Variants in SORCS2 observed in about 807,000 individuals in gnomAD.
The protein encoded by SORCS2 is sortilin related VPS10 domain containing receptor 2.
SORCS2 carries 100 observed loss-of-function variants against 141.6 expected under a neutral mutation model. The observed-to-expected ratio is 0.71, with a 90% CI of 0.60 to 0.83. SORCS2 has a LOEUF of 0.83. SORCS2 is among the 40% of genes least tolerant of loss of function. The pLI is 0.00. For synonymous variants in SORCS2, 789 were observed against 676.9 expected, an observed-to-expected ratio of 1.17 and a Z score of -2.57; for missense variants, 1,646 against 1,560.2, an observed-to-expected ratio of 1.05 and a Z score of -0.93.
chr4:7,642,648 A>G (rs896325791), intron 4 of SORCS2, among the ~76,000 whole-genome samples: 1 of 152,204 alleles, frequency 6.6e-6, no homozygotes, highest in Admixed American at 6.5e-5. Context: ...GGTATCTGCA[A>G]CAATCATACT....
In SORCS2 at chr4:7,233,876, T is replaced by G. The variant is rs1173689114; in HGVS notation, c.480+40750T>G. Among the ~76,000 whole-genome samples the G allele has an allele frequency of 6.6e-6, 1 of 152,158 alleles. No homozygotes were observed. The highest frequency in any genetic ancestry group is 1.5e-5 in the Non-Finnish European group (1 of 68,028). ...TGAGGTTTGCACTTGTAATACACTG[T>G]CCTGTCCGCTATCCCATCCCCTTCT... On this transcript the variant is annotated intron_variant, in intron 1 of 26. Coordinates refer to ENST00000507866, the MANE Select transcript of SORCS2 (RefSeq NM_020777.3). This position sits in a 1 kb window ranked among gnomAD's most constrained non-coding sequence, Gnocchi z 4.5.
At chr4:7,595,232 G>C (rs1191709041) in intron 3 of SORCS2, among the ~76,000 whole-genome samples, 1 of 152,170 alleles carries the variant, frequency 6.6e-6, no homozygotes, top group Non-Finnish European at 1.5e-5. Flanking sequence ...AGGAAGAGAG[G>C]CACGAGGCAG....
intron 3 of SORCS2, among the ~76,000 whole-genome samples, chr4:7,567,356 C>T (rs1384640694): frequency 6.6e-6 from 1 of 152,062 alleles, no homozygotes; most frequent in African/African-American, 2.4e-5. Flanking sequence ...ATTATGTCTG[C>T]TTCGGCTCCG....
intron 3 of SORCS2, among the ~76,000 whole-genome samples, chr4:7,588,640 G>A (rs1317831451): frequency 3.3e-5 from 5 of 152,176 alleles, no homozygotes; most frequent in African/African-American, 9.7e-5. Flanking sequence ...TGGGATCTAA[G>A]AATCCTTGTA....
chr4:7,478,431 T>C (rs1294983742), intron 2 of SORCS2, among the ~76,000 whole-genome samples: 1 of 151,756 alleles, frequency 6.6e-6, no homozygotes, highest in East Asian at 1.9e-4. Flanking sequence ...TCCCCACCCG[T>C]ACCTCAGCTG....
At chr4:7,474,151 TGCTCAGC>T (rs1201269617) in intron 2 of SORCS2, among the ~76,000 whole-genome samples, 1 of 152,184 alleles carries the variant, frequency 6.6e-6, no homozygotes, top group African/African-American at 2.4e-5. Context: ...GCCTGGCACC[TGCTCAGC>T]GCTCAGTAGA....
At chr4:7,453,152 G>T (rs1728594404) in intron 2 of SORCS2, among the ~76,000 whole-genome samples, 1 of 139,112 alleles carries the variant, frequency 7.2e-6, no homozygotes, top group East Asian at 2.3e-4. Context: ...GTGTGTTGGG[G>T]TCAGGTGCTG....
At chr4:7,438,684 T>G (rs1727461006) in intron 2 of SORCS2, among the ~76,000 whole-genome samples, 1 of 152,098 alleles carries the variant, frequency 6.6e-6, no homozygotes, top group African/African-American at 2.4e-5. Context: ...CCTTTTTTCT[T>G]TTTTAAAAGA....
intron 3 of SORCS2, among the ~76,000 whole-genome samples, chr4:7,542,554 A>G (rs578161094): frequency 6.6e-6 from 1 of 152,184 alleles, no homozygotes; most frequent in African/African-American, 2.4e-5. Context: ...CAAAAACTAA[A>G]AGGAAAGCTT....
intron 1 of SORCS2, among the ~76,000 whole-genome samples, chr4:7,366,718 C>T (rs1721920890): frequency 6.6e-6 from 1 of 152,076 alleles, no homozygotes; most frequent in African/African-American, 2.4e-5. Context: ...TGATGTTTGT[C>T]ACCATCAGAT....
Position 7,737,329 on chromosome 4 carries a change from G to A in SORCS2, c.3415+157G>A, listed in dbSNP as rs1039858662. ...CCAGCGGGTCGGTCGGGCCCACTGT[G>A]TCCCCTCCATCTGATGAGGGGATGA... On this transcript the variant is annotated intron_variant, in intron 26 of 26. Coordinates refer to ENST00000507866, the MANE Select transcript of SORCS2 (RefSeq NM_020777.3). The A allele has an allele frequency of 6.0e-6, 6 of 995,534 alleles. No homozygotes were observed. The Admixed American group carries it at 1.4e-4, about 24-fold the overall frequency. The allele number at this position is 995,534 out of a possible 1,614,324, so 61.7% of individuals were successfully genotyped here. A position where few individuals can be genotyped will look rare whatever the true frequency, so the allele number is the denominator to read the frequency against.
Position 7,233,196 on chromosome 4 carries a change from G to C in SORCS2, c.480+40070G>C, listed in dbSNP as rs774935578. Among the ~76,000 whole-genome samples the C allele has an allele frequency of 6.6e-6, 1 of 152,160 alleles. No individual in the cohort carries two copies. Among genetic ancestry groups the C allele is most frequent in the East Asian group, 1.9e-4 (1 of 5,172 alleles). The stretch of plus-strand genomic sequence containing the variant: ...TCACTGCAGGCAGCAGGAACGGCAC[G>C]GCAGAGGGAGCCTTCCAGAGCAGGG... On this transcript the variant is annotated intron_variant, in intron 1 of 26. Coordinates refer to ENST00000507866, the MANE Select transcript of SORCS2 (RefSeq NM_020777.3). The surrounding 1 kb of genome is among the most constrained non-coding windows in gnomAD (Gnocchi z 4.5).
intron 8 of SORCS2, among the ~76,000 whole-genome samples, chr4:7,668,607 G>T (rs946771602): frequency 1.3e-5 from 2 of 152,156 alleles, no homozygotes; most frequent in African/African-American, 4.8e-5. Flanking sequence ...AAAAGTCTAG[G>T]AGGCCTTTTA....
At chr4:7,724,621 A>G (rs1484252357) in intron 19 of SORCS2, among the ~76,000 whole-genome samples, 7 of 52,542 alleles carry the variant, frequency 1.3e-4, no homozygotes, top group East Asian at 2.0e-3. Context: ...GCTGGTGAGG[A>G]TGGTGATGGT....
chr4:7,349,739 G>A (rs994615585), intron 1 of SORCS2, among the ~76,000 whole-genome samples: 1 of 152,194 alleles, frequency 6.6e-6, no homozygotes, highest in African/African-American at 2.4e-5. Context: ...CTGGCCTTTT[G>A]TTGGCATTCC....
At chr4:7,238,708 G>C (rs770129205) in intron 1 of SORCS2, among the ~76,000 whole-genome samples, 3 of 152,208 alleles carry the variant, frequency 2.0e-5, no homozygotes, top group Non-Finnish European at 4.4e-5. Context: ...GCGTGTGTCT[G>C]GGTTTGAATC....
chr4:7,378,985 A>AC (rs2109063511), intron 1 of SORCS2, among the ~76,000 whole-genome samples: 1 of 152,168 alleles, frequency 6.6e-6, no homozygotes, highest in African/African-American at 2.4e-5. Flanking sequence ...CCCTAGATGC[A>AC]CCTTCATTCT....
At chr4:7,220,641 C>T (rs1728647150) in intron 1 of SORCS2, among the ~76,000 whole-genome samples, 1 of 152,108 alleles carries the variant, frequency 6.6e-6, no homozygotes, top group Non-Finnish European at 1.5e-5. Context: ...GTTGATATTT[C>T]CCCAGTTTTG....
At chr4:7,343,021 G>A (rs1216967875) in intron 1 of SORCS2, among the ~76,000 whole-genome samples, 1 of 152,210 alleles carries the variant, frequency 6.6e-6, no homozygotes, top group Non-Finnish European at 1.5e-5. Context: ...GGGAAAGGGA[G>A]GGTGGAAAAG....
Sources: gnomAD v4.1 joint callset for allele counts (sites outside exome capture counted in the v4.1 genomes callset) on GRCh38, gnomAD v4.1.1 for gene constraint, Gnocchi (gnomAD v3.1) non-coding constraint, MANE v1.5 for transcripts, NCBI Gene and HGNC (gene_info 2026-07-23, HGNC 2026-07-21) for gene names.